Variants in GPRIN1 observed in about 807,000 individuals in gnomAD.
GPRIN1 encodes the protein G protein regulated inducer of neurite outgrowth 1.
Under a neutral mutation model 2.8 loss-of-function variants are expected in GPRIN1, and 4 were observed. The observed-to-expected ratio is 1.45, with a 90% CI of 0.71 to 3.32. The LOEUF is 3.32. Ranked by LOEUF, GPRIN1 falls within the 30% of genes most tolerant of loss-of-function variation. The pLI is 0.01. For synonymous variants in GPRIN1, 589 were observed against 589.9 expected, an observed-to-expected ratio of 1.00 and a Z score of 0.02; for missense variants, 1,322 against 1,343.4, an observed-to-expected ratio of 0.98 and a Z score of 0.25.
At chr5:176,605,824 GGAGA>G (rs543972211) in intron 1 of GPRIN1, among the ~76,000 whole-genome samples, 71 of 152,104 alleles carry the variant, frequency 4.7e-4, no homozygotes, top group African/African-American at 1.5e-3. Context: ...ACAGAGACAG[GGAGA>G]GAGAGAAAGG....
At position 176,598,206 on chromosome 5, in the gene GPRIN1, G is replaced by A. The variant is rs757666227; in HGVS notation, c.1629C>T (p.Ala543=). 1.3e-5 allele frequency: 21 copies of A among 1,612,060 alleles called. No homozygotes were observed. The South Asian group carries it at 1.9e-4, about 14-fold the overall frequency. The change falls in exon 2 of 2, where the codon GCC becomes GCT. Residue 543 remains alanine (A), a synonymous_variant. Transcript: ENST00000303991. ...CCTCCTTGCCCACCGCGAGGGGCTC[G>A]GCCTTCCCTGAGGCTGTGGGAGCCG... ...GKAAPTASGK[A]EPLAVGKEDP... is the part of the protein sequence containing the mutation.
At chr5:176,605,023 G>A (rs10057790) in intron 1 of GPRIN1, among the ~76,000 whole-genome samples, 41,275 of 151,426 alleles carry the variant, frequency 0.27, 5,658 homozygotes, top group Middle Eastern at 0.32. Context: ...ATGAGCTACC[G>A]CGCCCAGCAT....
Position 176,598,937 on chromosome 5 carries a change from T to A in GPRIN1, c.898A>T (p.Met300Leu), listed in dbSNP as rs6556276. The change falls in exon 2 of 2, where the codon ATG (methionine) becomes TTG (leucine). Residue 300 changes from methionine (M) to leucine (L), a missense_variant. By Grantham distance (15) the Met-to-Leu change is conservative. Around this residue, in one of 3 missense-constraint regions of GPRIN1, gnomAD observed 1,117 missense variants for 1,128.6 expected, o/e 0.99. Transcript: ENST00000303991. ...GCAGAATCCATGCTTTCCAAGGGCA[T>A]GGGATCTGCCTTTCCCGAGGGCCCA... ...DPGPSGKADP[M>L]PLESMDSAST... 2 of 1,614,202 alleles carry A rather than the reference T, an allele frequency of 1.2e-6. No homozygotes were observed. Among genetic ancestry groups the A allele is most frequent in the South Asian group, 1.1e-5 (1 of 91,082 alleles).
intron 1 of GPRIN1, among the ~76,000 whole-genome samples, chr5:176,608,730 C>T (rs2113356447): frequency 6.6e-6 from 1 of 152,314 alleles, no homozygotes; most frequent in East Asian, 1.9e-4. Context: ...GCCCCTGTGG[C>T]TGCCCATTCA....
Position 176,596,972 on chromosome 5 carries a change from G to A in GPRIN1, c.2863C>T (p.Pro955Ser). ...QIEEHGRQGA[P>S]APPPAARAGP... ...GCACGGGCGGCGGGCGGCGGCGCGG[G>A]CGCCCCTTGGCGGCCGTGCTCCTCG... Residue 955 changes from proline to serine, a missense_variant, in exon 2 of 2, where the codon CCC (proline) becomes TCC (serine). Physicochemically the swap from Pro to Ser is moderately conservative, Grantham distance 74 (BLOSUM62 -1). Coordinates refer to ENST00000303991, the MANE Select transcript of GPRIN1 (RefSeq NM_052899.3). This position sits in a 1 kb window ranked among gnomAD's most constrained non-coding sequence, Gnocchi z 5.2. 1 of 1,357,542 alleles carries A rather than the reference G, an allele frequency of 7.4e-7. No homozygotes were observed. The highest frequency in any genetic ancestry group is 9.5e-7 in the Non-Finnish European group (1 of 1,052,130). The allele number at this position is 1,357,542 out of a possible 1,614,324, so 84.1% of individuals were successfully genotyped here.
At chr5:176,609,031 C>A (rs543843510) in intron 1 of GPRIN1, among the ~76,000 whole-genome samples, 5 of 152,206 alleles carry the variant, frequency 3.3e-5, no homozygotes, top group Non-Finnish European at 7.3e-5. Flanking sequence ...AGACCTGCTT[C>A]CAGAAACGGC....
chr5:176,598,837 G>C lies in GPRIN1; in HGVS notation c.998C>G (p.Ser333Cys), dbSNP rs368949718. 1.2e-5 allele frequency: 19 copies of C among 1,613,656 alleles called. No homozygotes were observed. In the African/African-American group the frequency reaches 2.1e-4, roughly 18 times the overall value. ...GGACCCAGGAGCCCCGGTCCCAGAG[G>C]ATACAGGCCCATTCTTGCCTGATGA... ...PGSSGKNGPV[S>C]SGTGAPGSLG... Residue 333 changes from serine (S) to cysteine (C), a missense_variant, in exon 2 of 2, where the codon TCC (serine) becomes TGC (cysteine). By Grantham distance (112) the Ser-to-Cys change is moderately radical. Transcript: ENST00000303991.
At chr5:176,606,939 G>A (rs1759228330) in intron 1 of GPRIN1, among the ~76,000 whole-genome samples, 1 of 152,198 alleles carries the variant, frequency 6.6e-6, no homozygotes, top group African/African-American at 2.4e-5. Flanking sequence ...TCCCCAACTT[G>A]TATTTTCCAG....
chr5:176,597,750 G>T lies in GPRIN1; in HGVS notation c.2085C>A (p.Asp695Glu). 6.2e-7 allele frequency: 1 copy of T among 1,604,624 alleles called. No individual in the cohort carries two copies. The change falls in exon 2 of 2, where the codon GAC becomes GAA. Residue 695 changes from aspartate to glutamate, a missense_variant. Physicochemically the swap from Asp to Glu is conservative, Grantham distance 45 (BLOSUM62 2). Coordinates refer to ENST00000303991, the MANE Select transcript of GPRIN1 (RefSeq NM_052899.3). This position sits in a 1 kb window ranked among gnomAD's most constrained non-coding sequence, Gnocchi z 6.1. ...ACTCCGTTTTTCTGGAAGGTGCAGA[G>T]TCGGCTTTCCCCAGGGACACAGGCT... ...KGEPVSLGKA[D>E]SAPSRKTESP...
chr5:176,606,989 C>G (rs1014225708), intron 1 of GPRIN1, among the ~76,000 whole-genome samples: 3 of 152,182 alleles, frequency 2.0e-5, no homozygotes, highest in Admixed American at 6.5e-5. Context: ...GGACAGAGAG[C>G]CTGGTCAGGG....
chr5:176,599,097 T>G lies in GPRIN1; in HGVS notation c.738A>C (p.Ser246=). 1 of 1,614,136 alleles carries G rather than the reference T, an allele frequency of 6.2e-7. No individual in the cohort carries two copies. Among genetic ancestry groups the G allele is most frequent in the South Asian group, 1.1e-5 (1 of 91,084 alleles). The part of the protein sequence containing the change: ...GSLRKVDPVS[S]DKVDPVFPRK... Reference sequence around the variant, plus strand: ...TTGGGAATACAGGGTCCACTTTGTCTGAGGACACAGGATCCACCTTTCTCA... The same window carrying G: ...TTGGGAATACAGGGTCCACTTTGTCGGAGGACACAGGATCCACCTTTCTCA... Residue 246 remains serine (S), a synonymous_variant, in exon 2 of 2, where the codon TCA becomes TCC. Transcript: ENST00000303991.
At chr5:176,607,949 A>C (rs1164154528) in intron 1 of GPRIN1, among the ~76,000 whole-genome samples, 1 of 114,842 alleles carries the variant, frequency 8.7e-6, no homozygotes, top group Non-Finnish European at 1.6e-5. Context: ...TTCTGAAGAC[A>C]GGGTCTCACT....
At chr5:176,603,743 G>C (rs4868664) in intron 1 of GPRIN1, among the ~76,000 whole-genome samples, 94,564 of 152,064 alleles carry the variant, frequency 0.62, 30,489 homozygotes, top group Non-Finnish European at 0.71. Flanking sequence ...GAATTCGTGG[G>C]ATCACTGGAT....
In GPRIN1 at chr5:176,599,423, C is replaced by G. The variant is rs745720208; in HGVS notation, c.412G>C (p.Glu138Gln). The stretch of plus-strand genomic sequence containing the variant: ...TTTCTGTCATCTGAGGATTTGGGCT[C>G]AGTTTTCACGGAGGACACAGGCTCT... ...KPEPVSSVKTEPKSSDDRNPM... is the reference protein window; with the variant it reads ...KPEPVSSVKTQPKSSDDRNPM... The change falls in exon 2 of 2, where the codon GAG (glutamate) becomes CAG (glutamine). Residue 138 changes from glutamate to glutamine, a missense_variant. Around this residue, in one of 3 missense-constraint regions of GPRIN1, gnomAD observed 1,117 missense variants for 1,128.6 expected, o/e 0.99. Coordinates refer to ENST00000303991, the MANE Select transcript of GPRIN1 (RefSeq NM_052899.3). The G allele has an allele frequency of 1.6e-5, 26 of 1,614,128 alleles. No homozygotes were observed. Among genetic ancestry groups the G allele is most frequent in the Non-Finnish European group, 2.1e-5 (25 of 1,180,054 alleles).
At position 176,599,556 on chromosome 5, in the gene GPRIN1, G is replaced by A. The variant is rs775115831; in HGVS notation, c.279C>T (p.Cys93=). The A allele has an allele frequency of 1.9e-6, 3 of 1,586,164 alleles. No homozygotes were observed. The African/African-American group carries it at 4.1e-5, about 22-fold the overall frequency. The part of the protein sequence containing the change: ...CSDGPRGSLA[C]PSPTCFSPQE... ...GGGGAGAGAAGCAGGTTGGGGAGGG[G>A]CAGGCCAGGCTCCCTCTGGGGCCGT... Residue 93 remains cysteine, a synonymous_variant, in exon 2 of 2, where the codon TGC becomes TGT. Coordinates refer to ENST00000303991, the MANE Select transcript of GPRIN1 (RefSeq NM_052899.3).
rs1445549801 is a variant in GPRIN1 at position 176,597,595 on chromosome 5, C to T, written c.2240G>A (p.Arg747His). Residue 747 changes from arginine to histidine, a missense_variant, in exon 2 of 2, where the codon CGC (arginine) becomes CAC (histidine). By Grantham distance (29) the Arg-to-His change is conservative. This residue lies in a region of GPRIN1 where 1,117 missense variants were observed against 1,128.6 expected (regional missense o/e 0.99). Transcript: ENST00000303991. The surrounding 1 kb of genome is among the most constrained non-coding windows in gnomAD (Gnocchi z 6.1). ...CACGGGCTCGGCCTTCGGCTCCACG[C>T]GGCCTTCACTGCCCCTGGCACCCTC... Reference protein sequence around the residue: ...SPEGARGSEGRVEPKAEPVSS... With the variant: ...SPEGARGSEGHVEPKAEPVSS... 2.5e-6 allele frequency: 4 copies of T among 1,597,656 alleles called. No individual in the cohort carries two copies. Among genetic ancestry groups the T allele is most frequent in the Non-Finnish European group, 3.4e-6 (4 of 1,178,242 alleles).
chr5:176,597,140 C>A lies in GPRIN1; in HGVS notation c.2695G>T (p.Ala899Ser). 6.9e-7 allele frequency: 1 copy of A among 1,453,180 alleles called. No homozygotes were observed. Among genetic ancestry groups the A allele is most frequent in the Non-Finnish European group, 9.1e-7 (1 of 1,099,584 alleles). 90.0% of individuals were successfully genotyped at this position (1,453,180 alleles called of 1,614,324 possible). ...VRVRPGSALA[A>S]AVAPPEPAEP... ...GCCGGCTCCGGGGGCGCTACAGCGG[C>A]CGCCAGCGCTGAGCCGGGCCGCACC... The change falls in exon 2 of 2, where the codon GCC (alanine) becomes TCC (serine). Residue 899 changes from alanine (A) to serine (S), a missense_variant. Transcript: ENST00000303991. The surrounding 1 kb of genome is among the most constrained non-coding windows in gnomAD (Gnocchi z 6.1).
Sources: allele counts gnomAD v4.1 joint callset (sites outside exome capture counted in the v4.1 genomes callset), GRCh38; gene constraint gnomAD v4.1.1; regional missense constraint gnomAD v4.1.1; non-coding constraint Gnocchi (gnomAD v3.1); transcripts MANE v1.5; gene names NCBI Gene and HGNC (gene_info 2026-07-23, HGNC 2026-07-21).